Variants in ECM2 observed in about 807,000 individuals in gnomAD.
ECM2 encodes the protein extracellular matrix protein 2, female organ and adipocyte specific.
In ECM2, 57 loss-of-function variants were observed where a neutral mutation model predicts 67.5. The ratio of observed to expected loss-of-function variants is 0.84; its 90% CI spans 0.68 to 1.05. ECM2 has a LOEUF of 1.05. Ranked by LOEUF, ECM2 falls within the 50% of genes least tolerant of loss-of-function variation. The pLI is 0.00. For synonymous variants in ECM2, 258 were observed against 294.5 expected, an observed-to-expected ratio of 0.88 and a Z score of 1.27; for missense variants, 741 against 822.8, an observed-to-expected ratio of 0.90 and a Z score of 1.22.
chr9:92,519,989 T>A (rs1249727654), intron 2 of ECM2, among the ~76,000 whole-genome samples: 2 of 149,876 alleles, frequency 1.3e-5, no homozygotes, highest in African/African-American at 2.5e-5. Context: ...AATAAAAAAA[T>A]GGGCAAAACT....
At chr9:92,527,995 G>A (rs112338596) in intron 1 of ECM2, 35 of 153,244 alleles carry the variant, frequency 2.3e-4, no homozygotes, top group African/African-American at 7.7e-4. Context: ...TCTAGGAAGC[G>A]ACCATGATGT....
rs776302657 is a variant in ECM2 at position 92,514,695 on chromosome 9, G to T, written c.990C>A (p.Ile330=). The change falls in exon 4 of 10, where the codon ATC becomes ATA. Residue 330 remains isoleucine, a synonymous_variant. Transcript: ENST00000344604. ...GTGGTATCTGGGTAAGCATGGCGTT[G>T]ATGCAGCTGATGGTCCTGTAGGACA... The part of the protein sequence containing the change: ...CSLSYRTISC[I]NAMLTQIPPL... 1 of 1,612,458 alleles carries T rather than the reference G, an allele frequency of 6.2e-7. No homozygotes were observed. Among genetic ancestry groups the T allele is most frequent in the Non-Finnish European group, 8.5e-7 (1 of 1,178,938 alleles).
chr9:92,552,947 C>CT, the ECM2 span, among the ~76,000 whole-genome samples: 3 of 151,470 alleles, frequency 2.0e-5, no homozygotes, highest in Non-Finnish European at 2.9e-5. Flanking sequence ...ATTTTTTCCT[C>CT]TTTTTTTTCT....
the ECM2 span, among the ~76,000 whole-genome samples, chr9:92,557,317 G>A: frequency 1.7e-3 from 261 of 152,268 alleles, 1 homozygote; most frequent in African/African-American, 5.9e-3. Context: ...ATCATTTTGC[G>A]ATGAATTTCC....
chr9:92,510,142 CT>C, intron 5 of ECM2, 108 bp from the exon 6 acceptor site: 1 of 1,299,164 alleles, frequency 7.7e-7, no homozygotes, highest in Non-Finnish European at 1.0e-6. Context: ...CTTCCTTAGG[CT>C]TAGACAGTAA....
chr9:92,512,387 G>T (rs1847406876), intron 4 of ECM2, among the ~76,000 whole-genome samples: 1 of 152,220 alleles, frequency 6.6e-6, no homozygotes, highest in African/African-American at 2.4e-5. Context: ...AGATGAAGGT[G>T]CTTAACACAG....
chr9:92,500,812 C>T lies in ECM2; in HGVS notation c.1846G>A (p.Asp616Asn). 1 of 1,614,114 alleles carries T rather than the reference C, an allele frequency of 6.2e-7. No individual in the cohort carries two copies. Among genetic ancestry groups the T allele is most frequent in the South Asian group, 1.1e-5 (1 of 91,076 alleles). ...GGTATAGATTTTAAGTCATTGTGAT[C>T]CAGAAATAATTCTCTCAGAGAATGA... is the stretch of plus-strand genomic sequence containing the variant. ...AYHSLRELFL[D>N]HNDLKSIPPG... The change falls in exon 9 of 10, where the codon GAT (aspartate) becomes AAT (asparagine). Residue 616 changes from aspartate to asparagine, a missense_variant. Transcript: ENST00000344604.
At chr9:92,504,362 T>G (rs1392273048) in intron 7 of ECM2, among the ~76,000 whole-genome samples, 1 of 152,226 alleles carries the variant, frequency 6.6e-6, no homozygotes, top group Non-Finnish European at 1.5e-5. Context: ...TCACAATAGA[T>G]GACCCTCTTT....
Position 92,496,489 on chromosome 9 carries a change from GAA to G in ECM2, c.1932-8_1932-7del. 6.2e-7 allele frequency: 1 copy of G among 1,604,978 alleles called. No individual in the cohort carries two copies. The highest frequency in any genetic ancestry group is 8.5e-7 in the Non-Finnish European group (1 of 1,177,772). ...TTTCTTCTGGAAGAATGTTCCTAAG[GAA>G]AAATAGACATGCAAGTCACACATGG... On this transcript the variant is annotated splice_region_variant and splice_polypyrimidine_tract_variant and intron_variant, in intron 9 of 9. Transcript: ENST00000344604.
the ECM2 span, among the ~76,000 whole-genome samples, chr9:92,551,615 C>T: frequency 6.6e-6 from 1 of 151,674 alleles, no homozygotes; most frequent in Non-Finnish European, 1.5e-5. Flanking sequence ...TTTTGGTGTA[C>T]CCATCACCCA....
At position 92,514,710 on chromosome 9, in the gene ECM2, C is replaced by A. The variant is rs1267294847; in HGVS notation, c.975G>T (p.Arg325Ser). 6.2e-7 allele frequency: 1 copy of A among 1,613,778 alleles called. No individual in the cohort carries two copies. The highest frequency in any genetic ancestry group is 1.3e-5 in the African/African-American group (1 of 74,916). ...RLPSGCSLSY[R>S]TISCINAMLT... is the part of the protein sequence containing the mutation. The stretch of plus-strand genomic sequence containing the variant: ...GCATGGCGTTGATGCAGCTGATGGT[C>A]CTGTAGGACAGAGAGCACCCGCTTG... Residue 325 changes from arginine (R) to serine (S), a missense_variant, in exon 4 of 10, where the codon AGG (arginine) becomes AGT (serine). By Grantham distance (110) the Arg-to-Ser change is moderately radical. Coordinates refer to ENST00000344604, the MANE Select transcript of ECM2 (RefSeq NM_001393.4).
rs1326388370 is a variant in ECM2 at position 92,514,665 on chromosome 9, C to T, written c.1020G>A (p.Leu340=). The change falls in exon 4 of 10, where the codon CTG becomes CTA. Residue 340 remains leucine (L), a synonymous_variant. Transcript: ENST00000344604. ...INAMLTQIPP[L]TAPQITSLEL... is the part of the protein sequence containing the mutation. ...CCAGACTTGTTATCTGTGGTGCTGTCAGCGGTGGTATCTGGGTAAGCATGG... is the reference window on the plus strand; with the variant it reads ...CCAGACTTGTTATCTGTGGTGCTGTTAGCGGTGGTATCTGGGTAAGCATGG... 1.9e-6 allele frequency: 3 copies of T among 1,602,026 alleles called. No homozygotes were observed. Among genetic ancestry groups the T allele is most frequent in the Non-Finnish European group, 2.6e-6 (3 of 1,172,532 alleles).
the ECM2 span, among the ~76,000 whole-genome samples, chr9:92,553,409 G>T: frequency 6.6e-6 from 1 of 152,080 alleles, no homozygotes; most frequent in African/African-American, 2.4e-5. Context: ...GGTTACATAT[G>T]AATTTTAGAA....
chr9:92,518,918 A>T (rs1340095135), intron 2 of ECM2, among the ~76,000 whole-genome samples: 1 of 152,166 alleles, frequency 6.6e-6, no homozygotes, highest in East Asian at 1.9e-4. Flanking sequence ...AAAGTTCATG[A>T]TGCAGTGCAT....
intron 6 of ECM2, among the ~76,000 whole-genome samples, chr9:92,508,127 C>T (rs1218226612): frequency 2.0e-5 from 3 of 152,126 alleles, no homozygotes; most frequent in African/African-American, 7.2e-5. Flanking sequence ...AGGGTGCCCT[C>T]ACAGCACTCC....
the ECM2 span, among the ~76,000 whole-genome samples, chr9:92,549,642 G>A: frequency 8.2e-6 from 1 of 121,294 alleles, no homozygotes. Context: ...GCATGACTCC[G>A]TCTCAAAAAA....
At chr9:92,523,170 T>C (rs2131247856) in intron 1 of ECM2, among the ~76,000 whole-genome samples, 1 of 152,140 alleles carries the variant, frequency 6.6e-6, no homozygotes, top group East Asian at 1.9e-4. Flanking sequence ...AGCCTTGAAC[T>C]CCTGGGCTCA....
chr9:92,514,630 C>T lies in ECM2; in HGVS notation c.1054+1G>A. ...ATAAAGCAGAAGTCAACATCTCTTA[C>T]CAGTGAGCTCCAGACTTGTTATCTG... On this transcript the variant is annotated splice_donor_variant, in intron 4 of 9. Transcript: ENST00000344604. LOFTEE classifies it high-confidence loss of function. The T allele has an allele frequency of 2.6e-6, 4 of 1,564,880 alleles. No individual in the cohort carries two copies. In the South Asian group the frequency reaches 4.8e-5, roughly 19 times the overall value.
At chr9:92,557,145 G>A in the ECM2 span, among the ~76,000 whole-genome samples, 2 of 152,128 alleles carry the variant, frequency 1.3e-5, no homozygotes, top group Admixed American at 1.3e-4. Context: ...TGAGGAGTAG[G>A]GTCCCAATCC....
Sources: gnomAD v4.1 joint callset for allele counts (sites outside exome capture counted in the v4.1 genomes callset) on GRCh38, gnomAD v4.1.1 for gene constraint, MANE v1.5 for transcripts, NCBI Gene and HGNC (gene_info 2026-07-23, HGNC 2026-07-21) for gene names.